PLCB1: variants seen among roughly 807,000 people sequenced by gnomAD.
PLCB1 encodes phospholipase C beta 1.
PLCB1 carries 46 observed loss-of-function variants against 161.8 expected under a neutral mutation model. The observed-to-expected ratio is 0.28, with a 90% CI of 0.22 to 0.36. PLCB1 has a LOEUF of 0.36. Ranked by LOEUF, PLCB1 falls within the 10% of genes least tolerant of loss-of-function variation. PLCB1 has a pLI of 1.00. For synonymous variants in PLCB1, 517 were observed against 503.7 expected, an observed-to-expected ratio of 1.03 and a Z score of -0.35; for missense variants, 1,016 against 1,472.5, an observed-to-expected ratio of 0.69 and a Z score of 5.07.
chr20:8,231,270 A>G (rs1011703897), intron 2 of PLCB1, among the ~76,000 whole-genome samples: 1 of 152,130 alleles, frequency 6.6e-6, no homozygotes, highest in African/African-American at 2.4e-5. Context: ...CAGATAAGAT[A>G]ACTCTTTCTT....
In PLCB1 at chr20:8,838,598, A is replaced by G. The variant is rs73087922; in HGVS notation, c.3424-43024A>G. 4.1e-3 allele frequency among the ~76,000 whole-genome samples: 632 copies of G among 152,360 alleles called. 2 individuals carry two copies. Among genetic ancestry groups the G allele is most frequent in the Non-Finnish European group, 7.7e-3 (523 of 68,034 alleles). On this transcript the variant is annotated intron_variant, in intron 31 of 31. Transcript: ENST00000338037. ...GGAGTGAGGGCTATTACAGAGGGAAAGGCCAAGTGGGAGCCACTAGAACTG... is the reference window on the plus strand; with the variant it reads ...GGAGTGAGGGCTATTACAGAGGGAAGGGCCAAGTGGGAGCCACTAGAACTG...
intron 3 of PLCB1, among the ~76,000 whole-genome samples, chr20:8,421,723 G>A (rs967907551): frequency 6.6e-6 from 1 of 152,136 alleles, no homozygotes; most frequent in Admixed American, 6.6e-5. Flanking sequence ...GCCTGAATTT[G>A]TCTTTAGTAA....
chr20:8,443,686 G>A (rs1911814052), intron 3 of PLCB1, among the ~76,000 whole-genome samples: 1 of 152,172 alleles, frequency 6.6e-6, no homozygotes, highest in Admixed American at 6.5e-5. Context: ...AAGAAGAGCA[G>A]CATGAAATGG....
At chr20:8,249,399 A>G (rs1600261403) in intron 2 of PLCB1, 1 of 151,946 alleles carries the variant, frequency 6.6e-6, no homozygotes, top group Non-Finnish European at 1.5e-5. Context: ...TTAATAAAAC[A>G]CTTCATCGGT....
At chr20:8,514,850 A>C (rs1209693121) in intron 3 of PLCB1, among the ~76,000 whole-genome samples, 1 of 152,194 alleles carries the variant, frequency 6.6e-6, no homozygotes, top group Non-Finnish European at 1.5e-5. Context: ...AATGCTTCTG[A>C]AACTTTAATA....
At chr20:8,643,497 C>T (rs1989020192) in intron 4 of PLCB1, among the ~76,000 whole-genome samples, 1 of 152,096 alleles carries the variant, frequency 6.6e-6, no homozygotes, top group Non-Finnish European at 1.5e-5. Context: ...TTCCCTGCTC[C>T]TCCAGTTCCA....
At chr20:8,718,688 C>G (rs1979466765) in intron 14 of PLCB1, among the ~76,000 whole-genome samples, 1 of 152,210 alleles carries the variant, frequency 6.6e-6, no homozygotes, top group Non-Finnish European at 1.5e-5. Flanking sequence ...TCCATCTCAC[C>G]TGCAATGTCC....
chr20:8,200,752 C>T (rs116037377), intron 2 of PLCB1, among the ~76,000 whole-genome samples: 1,633 of 152,018 alleles, frequency 0.011, 37 homozygotes, highest in African/African-American at 0.037. Context: ...CTTGAATTAT[C>T]TTGGGCCTCT....
intron 2 of PLCB1, among the ~76,000 whole-genome samples, chr20:8,290,759 G>T (rs751582899): frequency 1.3e-5 from 2 of 152,048 alleles, no homozygotes; most frequent in Non-Finnish European, 2.9e-5. Context: ...GTTCCCAGCC[G>T]CTTGCCCCTG....
intron 31 of PLCB1, among the ~76,000 whole-genome samples, chr20:8,880,529 A>G (rs1268435299): frequency 6.6e-6 from 1 of 152,250 alleles, no homozygotes; most frequent in Non-Finnish European, 1.5e-5. Context: ...GAATCAAAAT[A>G]AAGTGGTGGC....
intron 2 of PLCB1, among the ~76,000 whole-genome samples, chr20:8,241,397 G>A (rs1439116597): frequency 6.6e-6 from 1 of 151,864 alleles, no homozygotes; most frequent in African/African-American, 2.4e-5. Flanking sequence ...TTCACATGGA[G>A]GAGCACAGCA....
At chr20:8,487,169 A>G (rs1435449717) in intron 3 of PLCB1, among the ~76,000 whole-genome samples, 1 of 152,200 alleles carries the variant, frequency 6.6e-6, no homozygotes, top group East Asian at 1.9e-4. Context: ...CTGTAATAAG[A>G]TAGAATCAGA....
chr20:8,290,276 C>T (rs985590724), intron 2 of PLCB1, among the ~76,000 whole-genome samples: 22 of 152,104 alleles, frequency 1.4e-4, no homozygotes, highest in African/African-American at 5.1e-4. Flanking sequence ...GAGGAGATTC[C>T]GAGACAAGGA....
chr20:8,197,200 G>A (rs1469407934), intron 2 of PLCB1, among the ~76,000 whole-genome samples: 1 of 152,032 alleles, frequency 6.6e-6, no homozygotes, highest in African/African-American at 2.4e-5. Context: ...GGGATGGCTG[G>A]GTCAAATGGT....
At chr20:8,509,604 C>A (rs928293804) in intron 3 of PLCB1, among the ~76,000 whole-genome samples, 2 of 152,064 alleles carry the variant, frequency 1.3e-5, no homozygotes, top group Non-Finnish European at 2.9e-5. Flanking sequence ...TAGACTATGG[C>A]ACCCTCTAGA....
At chr20:8,817,626 A>T (rs1387865167) in intron 31 of PLCB1, among the ~76,000 whole-genome samples, 1 of 152,220 alleles carries the variant, frequency 6.6e-6, no homozygotes, top group African/African-American at 2.4e-5. Context: ...GACATAATTA[A>T]TCAGTTTGTT....
chr20:8,843,150 T>G (rs998299246), intron 31 of PLCB1, among the ~76,000 whole-genome samples: 3 of 152,232 alleles, frequency 2.0e-5, no homozygotes, highest in African/African-American at 7.2e-5. Context: ...AACTTACACA[T>G]TAAGTTTTTA....
intron 10 of PLCB1, among the ~76,000 whole-genome samples, chr20:8,687,800 G>A (rs1990393495): frequency 6.6e-6 from 1 of 152,208 alleles, no homozygotes; most frequent in South Asian, 2.1e-4. Flanking sequence ...AAACATGCGT[G>A]TGCAAGTATC....
In PLCB1 at chr20:8,688,908, T is replaced by G. The variant is rs536156200; in HGVS notation, c.1009+3830T>G. 6.4e-4 allele frequency among the ~76,000 whole-genome samples: 97 copies of G among 152,324 alleles called. 1 individual carries two copies. Among genetic ancestry groups the G allele is most frequent in the African/African-American group, 2.3e-3 (95 of 41,562 alleles). ...ATGATGGTGGTATTTTGATGGAGAT[T>G]GCATTGAATTTGTAGATTGCTTTTG... On this transcript the variant is annotated intron_variant, in intron 10 of 31. Coordinates refer to ENST00000338037, the MANE Select transcript of PLCB1 (RefSeq NM_015192.4).
Sources: gnomAD v4.1 joint callset for allele counts (sites outside exome capture counted in the v4.1 genomes callset) on GRCh38, gnomAD v4.1.1 for gene constraint, MANE v1.5 for transcripts, NCBI Gene and HGNC (gene_info 2026-07-23, HGNC 2026-07-21) for gene names.